MEGF11: variants seen among roughly 807,000 people sequenced by gnomAD.
MEGF11 encodes the protein multiple EGF like domains 11, also known as multiple epidermal growth factor-like domains protein 11.
In MEGF11, 126 loss-of-function variants were observed where a neutral mutation model predicts 146.6. The ratio of observed to expected loss-of-function variants is 0.86; its 90% CI spans 0.74 to 1.00. MEGF11 has a LOEUF of 1.00. Among genes scored for constraint, MEGF11 ranks in the 50% least tolerant of loss-of-function variants. The pLI is 0.00. For synonymous variants in MEGF11, 532 were observed against 583.4 expected, an observed-to-expected ratio of 0.91 and a Z score of 1.27; for missense variants, 1,509 against 1,521.2, an observed-to-expected ratio of 0.99 and a Z score of 0.13.
intron 1 of MEGF11, among the ~76,000 whole-genome samples, chr15:66,170,216 C>T (rs1362757129): frequency 6.6e-6 from 1 of 152,162 alleles, no homozygotes; most frequent in Non-Finnish European, 1.5e-5. Flanking sequence ...TGGAGAGCAC[C>T]TGTGGAGGCC....
intron 4 of MEGF11, among the ~76,000 whole-genome samples, chr15:66,102,967 C>T (rs1344415872): frequency 6.6e-6 from 1 of 152,214 alleles, no homozygotes; most frequent in Non-Finnish European, 1.5e-5. Context: ...AATTTATTCA[C>T]CTAATCTTCC....
intron 7 of MEGF11, among the ~76,000 whole-genome samples, chr15:65,980,395 C>CTTT (rs60154748): frequency 0.046 from 4,035 of 88,116 alleles, 32 homozygotes; most frequent in Non-Finnish European, 0.054. Flanking sequence ...AAGAATTCAG[C>CTTT]TTTTTTTTTT....
chr15:66,196,872 A>G (rs2091021671), intron 1 of MEGF11, among the ~76,000 whole-genome samples: 1 of 152,210 alleles, frequency 6.6e-6, no homozygotes, highest in Non-Finnish European at 1.5e-5. Flanking sequence ...CAGACCTCTA[A>G]AAATAAACCA....
At chr15:66,207,098 T>A in intron 1 of MEGF11, among the ~76,000 whole-genome samples, 1 of 150,602 alleles carries the variant, frequency 6.6e-6, no homozygotes. Context: ...ATAATGGGAG[T>A]CCCAAAAGGA....
At chr15:66,161,217 T>C (rs143977943) in intron 1 of MEGF11, among the ~76,000 whole-genome samples, 1 of 151,912 alleles carries the variant, frequency 6.6e-6, no homozygotes, top group Non-Finnish European at 1.5e-5. Flanking sequence ...ATGTACTGAG[T>C]GGGAGGAGGT....
At chr15:66,199,784 A>G (rs978917004) in intron 1 of MEGF11, among the ~76,000 whole-genome samples, 2 of 152,146 alleles carry the variant, frequency 1.3e-5, no homozygotes, top group East Asian at 1.9e-4. Context: ...ATCAGACCCT[A>G]TCTTAAAAAC....
At position 65,959,074 on chromosome 15, in the gene MEGF11, A is replaced by C. The variant is rs566688873; in HGVS notation, c.1113-1353T>G. 2.6e-5 allele frequency among the ~76,000 whole-genome samples: 4 copies of C among 152,288 alleles called. No homozygotes were observed. The South Asian group carries it at 8.3e-4, about 32-fold the overall frequency. On this transcript the variant is annotated intron_variant, in intron 9 of 25. Transcript: ENST00000395614. ...GCTCATATTCACTGCCCTGGTGAAT[A>C]TTTGGGAAATGAATACAGCTTCCTC...
Position 65,982,627 on chromosome 15 carries a change from G to T in MEGF11, c.395-139C>A. 1 of 1,018,544 alleles carries T rather than the reference G, an allele frequency of 9.8e-7. No homozygotes were observed. Among genetic ancestry groups the T allele is most frequent in the Non-Finnish European group, 1.3e-6 (1 of 742,250 alleles). 63.1% of individuals were successfully genotyped at this position (1,018,544 alleles called of 1,614,324 possible). A position where few individuals can be genotyped will look rare whatever the true frequency, so the allele number is the denominator to read the frequency against. Reference sequence around the variant, plus strand: ...AGGTGGCAGCAAGGGGTGCCTGGAAGCTTTGGTGCCTCATAACCTGCATCA... The same window carrying T: ...AGGTGGCAGCAAGGGGTGCCTGGAATCTTTGGTGCCTCATAACCTGCATCA... On this transcript the variant is annotated intron_variant, in intron 5 of 25. Coordinates refer to ENST00000395614, the MANE Select transcript of MEGF11 (RefSeq NM_001385028.1). This position sits in a 1 kb window ranked among gnomAD's most constrained non-coding sequence, Gnocchi z 5.6.
At chr15:66,069,183 CA>C (rs34142195) in intron 5 of MEGF11, among the ~76,000 whole-genome samples, 29,480 of 152,182 alleles carry the variant, frequency 0.19, 2,928 homozygotes, top group Middle Eastern at 0.22. Context: ...TTAGAGACCA[CA>C]AGGGCAAATA....
At chr15:66,095,906 C>T (rs543264484) in intron 4 of MEGF11, among the ~76,000 whole-genome samples, 2 of 152,340 alleles carry the variant, frequency 1.3e-5, no homozygotes, top group African/African-American at 4.8e-5. Context: ...CTGGAGAACC[C>T]AGTGGGCCTT....
chr15:66,068,959 G>A (rs1343012975), intron 5 of MEGF11, among the ~76,000 whole-genome samples: 1 of 152,228 alleles, frequency 6.6e-6, no homozygotes, highest in African/African-American at 2.4e-5. Flanking sequence ...CTACAAGCCA[G>A]GGACACAGCG....
At chr15:66,043,112 A>T (rs940606658) in intron 5 of MEGF11, among the ~76,000 whole-genome samples, 5 of 152,216 alleles carry the variant, frequency 3.3e-5, no homozygotes, top group African/African-American at 1.2e-4. Flanking sequence ...GGTAAATATT[A>T]TCTTCTAGAG....
intron 1 of MEGF11, among the ~76,000 whole-genome samples, chr15:66,177,833 T>A (rs1171120060): frequency 1.3e-5 from 2 of 151,794 alleles, no homozygotes; most frequent in Non-Finnish European, 2.9e-5. Context: ...TACAGATGCA[T>A]GACACCAGGC....
chr15:66,220,671 G>A (rs1307654746), intron 1 of MEGF11, among the ~76,000 whole-genome samples: 1 of 142,192 alleles, frequency 7.0e-6, no homozygotes, highest in East Asian at 2.0e-4. Context: ...CAGAGTAGCT[G>A]GGACTACAGG....
At chr15:66,173,134 C>A (rs1315656371) in intron 1 of MEGF11, among the ~76,000 whole-genome samples, 1 of 152,104 alleles carries the variant, frequency 6.6e-6, no homozygotes, top group Non-Finnish European at 1.5e-5. Context: ...GCCTGGAGCA[C>A]CCTTTCTTAT....
At chr15:66,215,451 G>A (rs180708644) in intron 1 of MEGF11, among the ~76,000 whole-genome samples, 92 of 152,176 alleles carry the variant, frequency 6.0e-4, no homozygotes, top group Non-Finnish European at 1.5e-4. Flanking sequence ...CAATAATACA[G>A]GAGCTGATTC....
chr15:66,182,882 G>A (rs1283522184), intron 1 of MEGF11, among the ~76,000 whole-genome samples: 1 of 152,202 alleles, frequency 6.6e-6, no homozygotes, highest in Non-Finnish European at 1.5e-5. Flanking sequence ...GCCGTTTATG[G>A]TGGAGAGAAG....
chr15:66,081,258 T>C (rs747501844), intron 5 of MEGF11, among the ~76,000 whole-genome samples: 1 of 152,176 alleles, frequency 6.6e-6, no homozygotes, highest in Non-Finnish European at 1.5e-5. Context: ...ACATCCTCCA[T>C]CAGGGGGCAG....
rs747113330 is a variant in MEGF11 at position 65,965,042 on chromosome 15, A to G, written c.978T>C (p.Cys326=). 4 of 1,589,284 alleles carry G rather than the reference A, an allele frequency of 2.5e-6. No homozygotes were observed. The East Asian group carries it at 6.9e-5, about 27-fold the overall frequency. ...ACTCGCAGGCACCCGTGGTGGGTGA[A>G]CACTGCCCCCCATTGTGGCAGTCAC... is the stretch of plus-strand genomic sequence containing the variant. ...QHCDCHNGGQ[C]SPTTGACECE... is the part of the protein sequence containing the mutation. The change falls in exon 9 of 26, where the codon TGT becomes TGC. Residue 326 remains cysteine, a synonymous_variant. Transcript: ENST00000395614.
Sources: allele counts gnomAD v4.1 joint callset (sites outside exome capture counted in the v4.1 genomes callset), GRCh38; gene constraint gnomAD v4.1.1; non-coding constraint Gnocchi (gnomAD v3.1); transcripts MANE v1.5; gene names NCBI Gene and HGNC (gene_info 2026-07-23, HGNC 2026-07-21).